USP50: variants seen among roughly 807,000 people sequenced by gnomAD.
The protein encoded by USP50 is ubiquitin specific peptidase 50, also known as ubiquitin carboxyl-terminal hydrolase 50.
USP50 carries 37 observed loss-of-function variants against 39.2 expected under a neutral mutation model. That is an observed-to-expected ratio of 0.94 (90% confidence interval 0.73 to 1.24). The LOEUF (loss-of-function observed/expected upper bound fraction) is 1.24, where lower values mean the gene tolerates loss of function less well. USP50 is among the 50% of genes most tolerant of loss of function. The pLI is 0.00. For synonymous variants in USP50, 139 were observed against 144.5 expected, an observed-to-expected ratio of 0.96 and a Z score of 0.27; for missense variants, 374 against 398.2, an observed-to-expected ratio of 0.94 and a Z score of 0.52.
At chr15:50,495,718 A>G, downstream of USP50, 2 of 682,726 alleles carry the variant, frequency 2.9e-6, no homozygotes, top group South Asian at 2.2e-5. Flanking sequence ...ACACTCAGTG[A>G]GATCAGAACT....
chr15:50,542,271 G>T (rs1217542418), intron 3 of USP50, among the ~76,000 whole-genome samples: 3 of 151,908 alleles, frequency 2.0e-5, no homozygotes, highest in Non-Finnish European at 4.4e-5. Context: ...TTCCATTTTT[G>T]CTTGCTCCTT....
intron 6 of USP50, among the ~76,000 whole-genome samples, chr15:50,524,581 G>A (rs2141365869): frequency 6.6e-6 from 1 of 152,318 alleles, no homozygotes; most frequent in African/African-American, 2.4e-5. Flanking sequence ...CTTCACACCT[G>A]TTAGAATGGC....
chr15:50,497,302 A>G, downstream of USP50: 1 of 1,512,834 alleles, frequency 6.6e-7, no homozygotes, highest in Admixed American at 2.3e-5. Flanking sequence ...TGTAATTTAT[A>G]CTTGTTGTAC....
chr15:50,544,097 G>A (rs1424176992), intron 2 of USP50: 2 of 350,662 alleles, frequency 5.7e-6, no homozygotes, highest in East Asian at 1.2e-4. Flanking sequence ...GGGGGCCGAG[G>A]TGGTAGGTTG....
intron 6 of USP50, among the ~76,000 whole-genome samples, chr15:50,523,614 A>G (rs1596012889): frequency 6.6e-6 from 1 of 152,242 alleles, no homozygotes; most frequent in East Asian, 1.9e-4. Context: ...GACTATACGT[A>G]TTGAAGAAAG....
At chr15:50,533,069 A>G (rs3105598) in intron 5 of USP50, among the ~76,000 whole-genome samples, 65,536 of 151,456 alleles carry the variant, frequency 0.43, 14,430 homozygotes, top group Admixed American at 0.54. Context: ...GCTTTGGGAG[A>G]CCAAGGTGGG....
chr15:50,499,040 C>T (rs777549602), downstream of USP50: 8 of 1,613,722 alleles, frequency 5.0e-6, no homozygotes, highest in Non-Finnish European at 5.9e-6. Context: ...CAGCTTATAT[C>T]CTCTTTTATA....
intron 3 of USP50, among the ~76,000 whole-genome samples, chr15:50,542,540 G>A (rs1340556212): frequency 7.2e-6 from 1 of 138,306 alleles, no homozygotes; most frequent in Non-Finnish European, 1.5e-5. Flanking sequence ...CCAGGCTGGA[G>A]TGCAGTGGCA....
chr15:50,515,156 G>T (rs1397015517), intron 6 of USP50, among the ~76,000 whole-genome samples: 1 of 151,888 alleles, frequency 6.6e-6, no homozygotes, highest in East Asian at 1.9e-4. Context: ...AATTCTACCA[G>T]ATTTTCAAGA....
intron 5 of USP50, among the ~76,000 whole-genome samples, chr15:50,536,825 T>C (rs2052984145): frequency 6.6e-6 from 1 of 152,138 alleles, no homozygotes; most frequent in Non-Finnish European, 1.5e-5. Flanking sequence ...ATATATTCTA[T>C]ATTCATGGAT....
At chr15:50,518,379 C>T (rs893605775) in intron 6 of USP50, among the ~76,000 whole-genome samples, 2 of 151,884 alleles carry the variant, frequency 1.3e-5, no homozygotes, top group Non-Finnish European at 2.9e-5. Flanking sequence ...CACCACCACG[C>T]CCGGCTAATT....
At chr15:50,496,075 T>G (rs762527793), downstream of USP50, 1 of 1,608,644 alleles carries the variant, frequency 6.2e-7, no homozygotes, top group Non-Finnish European at 8.5e-7. Flanking sequence ...CAAGTAAATG[T>G]ACATTACAGG....
intron 5 of USP50, among the ~76,000 whole-genome samples, chr15:50,537,779 G>A (rs991482023): frequency 2.7e-5 from 4 of 149,012 alleles, no homozygotes; most frequent in Non-Finnish European, 4.5e-5. Context: ...AGAATGGCTT[G>A]AACTAGGGAA....
chr15:50,528,006 C>T (rs952241184), intron 6 of USP50, among the ~76,000 whole-genome samples: 3 of 151,438 alleles, frequency 2.0e-5, no homozygotes, highest in Non-Finnish European at 4.4e-5. Flanking sequence ...AGTTCTCTTT[C>T]GAAACCAACT....
chr15:50,510,317 G>A (rs1361249867), intron 6 of USP50: 1 of 152,142 alleles, frequency 6.6e-6, no homozygotes, highest in Non-Finnish European at 1.5e-5. Flanking sequence ...GGGTTGGAAA[G>A]GATTTCTTAA....
At chr15:50,495,950 A>G (rs147249505), downstream of USP50, 81 of 1,613,712 alleles carry the variant, frequency 5.0e-5, no homozygotes, top group South Asian at 3.6e-4. Context: ...CAATGAGTCT[A>G]TTATTGTTGC....
chr15:50,493,068 T>G (rs751899199), downstream of USP50: 4 of 824,358 alleles, frequency 4.9e-6, no homozygotes, highest in African/African-American at 6.8e-5. Flanking sequence ...AGTTCTTGAC[T>G]GGGAAGGCCA....
downstream of USP50, chr15:50,497,214 T>C: frequency 6.2e-7 from 1 of 1,608,728 alleles, no homozygotes; most frequent in Non-Finnish European, 8.5e-7. Context: ...CACCTGTGCT[T>C]TTAGTGCATC....
chr15:50,497,209 G>A, downstream of USP50: 2 of 1,608,248 alleles, frequency 1.2e-6, no homozygotes, highest in East Asian at 2.2e-5. Flanking sequence ...GTTACCACCT[G>A]TGCTTTTAGT....
Sources: gnomAD v4.1 joint callset for allele counts (sites outside exome capture counted in the v4.1 genomes callset) on GRCh38, gnomAD v4.1.1 for gene constraint, MANE v1.5 for transcripts, NCBI Gene and HGNC (gene_info 2026-07-23, HGNC 2026-07-21) for gene names.